IGF1R: variants seen among roughly 807,000 people sequenced by gnomAD.
IGF1R encodes insulin-like growth factor 1 receptor.
IGF1R carries 44 observed loss-of-function variants against 144.6 expected under a neutral mutation model. That is an observed-to-expected ratio of 0.30 (90% CI 0.24 to 0.39). IGF1R has a LOEUF of 0.39. IGF1R is among the 10% of genes least tolerant of loss of function. IGF1R has a pLI of 1.00. For synonymous variants in IGF1R, 795 were observed against 722.8 expected, an observed-to-expected ratio of 1.10 and a Z score of -1.60; for missense variants, 1,355 against 1,833.7, an observed-to-expected ratio of 0.74 and a Z score of 4.77.
rs760544138 is a variant in IGF1R at position 98,750,029 on chromosome 15, G to A, written c.640+41922G>A. 3.3e-5 allele frequency among the ~76,000 whole-genome samples: 5 copies of A among 152,004 alleles called. No individual in the cohort carries two copies. The South Asian group carries it at 6.2e-4, about 19-fold the overall frequency. On this transcript the variant is annotated intron_variant, in intron 2 of 20. Transcript: ENST00000650285. ...CTTCTTCCTTTTCCTTACCTCTAAG[G>A]GATATGAAGCTGTGAGAGGGAATTG...
intron 5 of IGF1R, among the ~76,000 whole-genome samples, chr15:98,906,184 A>G (rs2014722157): frequency 6.6e-6 from 1 of 152,226 alleles, no homozygotes; most frequent in African/African-American, 2.4e-5. Context: ...CCTGGTTTAT[A>G]ATTCATGCTT....
At position 98,891,331 on chromosome 15, in the gene IGF1R, C is replaced by T; in HGVS notation, c.647C>T (p.Pro216Leu). The T allele has an allele frequency of 6.2e-7, 1 of 1,606,034 alleles. No homozygotes were observed. Among genetic ancestry groups the T allele is most frequent in the Non-Finnish European group, 8.5e-7 (1 of 1,179,916 alleles). ...CTCTCCTCTCTCTCCACAGTGTGCC[C>T]AAGCACGTGTGGGAAGCGGGCGTGC... is the stretch of plus-strand genomic sequence containing the variant. ...WTTNRCQKMCPSTCGKRACTE... is the reference protein window; with the variant it reads ...WTTNRCQKMCLSTCGKRACTE... Residue 216 changes from proline (P) to leucine (L), a missense_variant, in exon 3 of 21, where the codon CCA (proline) becomes CTA (leucine). By Grantham distance (98) the Pro-to-Leu change is moderately conservative. Coordinates refer to ENST00000650285, the MANE Select transcript of IGF1R (RefSeq NM_000875.5). This position sits in a 1 kb window ranked among gnomAD's most constrained non-coding sequence, Gnocchi z 4.7.
Position 98,959,970 on chromosome 15 carries a change from GGT to G in IGF1R, c.*2541_*2542del, listed in dbSNP as rs398058004. The stretch of plus-strand genomic sequence containing the variant: ...TTATGAATTTAAATTTCAAGGAAAG[GGT>G]GTGTGTGTGTGTATGTGTGGGGTGT... On this transcript the variant is annotated 3_prime_UTR_variant, in exon 21 of 21. Transcript: ENST00000650285. The G allele has an allele frequency of 0.82, 190,936 of 231,970 alleles. 80,802 individuals are homozygous for G. Among genetic ancestry groups the G allele is most frequent in the East Asian group, 0.94 (15,465 of 16,468 alleles). The allele number at this position is 231,970 out of a possible 1,614,324, so 14.4% of individuals were successfully genotyped here.
intron 10 of IGF1R, 95 bp from the exon 11 acceptor site, chr15:98,922,053 C>T: frequency 2.2e-6 from 3 of 1,391,786 alleles, no homozygotes; most frequent in South Asian, 1.2e-5. Flanking sequence ...TCCTTCTATT[C>T]CACGGTTAAG....
intron 2 of IGF1R, among the ~76,000 whole-genome samples, chr15:98,874,843 G>A (rs2012972580): frequency 6.6e-6 from 1 of 152,166 alleles, no homozygotes; most frequent in African/African-American, 2.4e-5. Context: ...CCCTTCCCAG[G>A]TCCTCTGGGT....
At position 98,896,906 on chromosome 15, in the gene IGF1R, G is replaced by T; in HGVS notation, c.1102+1G>T. 6.2e-7 allele frequency: 1 copy of T among 1,613,850 alleles called. No homozygotes were observed. Among genetic ancestry groups the T allele is most frequent in the Non-Finnish European group, 8.5e-7 (1 of 1,179,824 alleles). On this transcript the variant is annotated splice_donor_variant, in intron 4 of 20. Coordinates refer to ENST00000650285, the MANE Select transcript of IGF1R (RefSeq NM_000875.5). LOFTEE classifies it high-confidence loss of function. The stretch of plus-strand genomic sequence containing the variant: ...TTGCTCATTAACATCCGACGGGGGA[G>T]TAAGTATTCCATCCCCCTGGAAAAA...
intron 2 of IGF1R, among the ~76,000 whole-genome samples, chr15:98,743,830 G>A (rs188896462): frequency 6.6e-6 from 1 of 152,310 alleles, no homozygotes; most frequent in East Asian, 1.9e-4. Flanking sequence ...TTGGACTAGT[G>A]GTGGAGATAA....
intron 2 of IGF1R, among the ~76,000 whole-genome samples, chr15:98,765,096 TAGC>T (rs962885800): frequency 6.6e-6 from 1 of 152,160 alleles, no homozygotes; most frequent in Non-Finnish European, 1.5e-5. Context: ...TTCTTTCACT[TAGC>T]ATAATATTTT....
intron 1 of IGF1R, among the ~76,000 whole-genome samples, chr15:98,665,701 C>A (rs1047062339): frequency 2.0e-5 from 3 of 152,258 alleles, no homozygotes; most frequent in Non-Finnish European, 4.4e-5. Flanking sequence ...GCGTGGATGG[C>A]TGCTTGCAAG....
intron 18 of IGF1R, among the ~76,000 whole-genome samples, chr15:98,941,211 T>C (rs570391402): frequency 2.0e-5 from 3 of 152,306 alleles, no homozygotes; most frequent in Admixed American, 6.5e-5. Context: ...CATGGGGTTA[T>C]GAGAAGGACT....
intron 3 of IGF1R, among the ~76,000 whole-genome samples, chr15:98,893,902 A>C (rs1008078757): frequency 3.9e-5 from 6 of 152,184 alleles, no homozygotes; most frequent in African/African-American, 7.2e-5. Context: ...CTTATTTAAC[A>C]ATTACTTTGA....
intron 2 of IGF1R, among the ~76,000 whole-genome samples, chr15:98,836,223 T>C (rs925301898): frequency 6.6e-6 from 1 of 152,026 alleles, no homozygotes; most frequent in Non-Finnish European, 1.5e-5. Context: ...TTGAAATAAT[T>C]TTAGACTTAC....
intron 1 of IGF1R, chr15:98,651,046 C>T (rs1423403130): frequency 1.0e-6 from 1 of 985,326 alleles, no homozygotes; most frequent in Non-Finnish European, 1.2e-6. Flanking sequence ...GTTTAAATGT[C>T]GCAGAACTGG....
At position 98,648,907 on chromosome 15, in the gene IGF1R, G is replaced by C. The variant is rs952529527; in HGVS notation, c.-675G>C. On this transcript the variant is annotated 5_prime_UTR_variant, in exon 1 of 21. Coordinates refer to ENST00000650285, the MANE Select transcript of IGF1R (RefSeq NM_000875.5). ...GGGGCGGGCGGCGGCGCAGAGCCGG[G>C]CGGCGCGGCGGGAGTGCTGAGCGCG... 1.3e-5 allele frequency: 2 copies of C among 157,670 alleles called. No homozygotes were observed. Among genetic ancestry groups the C allele is most frequent in the Non-Finnish European group, 2.8e-5 (2 of 71,960 alleles). The allele number at this position is 157,670 out of a possible 1,614,324, so 9.8% of individuals were successfully genotyped here. A position where few individuals can be genotyped will look rare whatever the true frequency, so the allele number is the denominator to read the frequency against.
intron 2 of IGF1R, among the ~76,000 whole-genome samples, chr15:98,858,729 A>T (rs2011975064): frequency 6.6e-6 from 1 of 152,226 alleles, no homozygotes; most frequent in African/African-American, 2.4e-5. Context: ...CCAGCACAGC[A>T]CTCCGTGGCC....
chr15:98,827,112 A>G (rs1236501255), intron 2 of IGF1R, among the ~76,000 whole-genome samples: 2 of 143,012 alleles, frequency 1.4e-5, no homozygotes, highest in Admixed American at 7.4e-5. Context: ...TTGGCTTAAA[A>G]TTGTGTCTAA....
intron 2 of IGF1R, among the ~76,000 whole-genome samples, chr15:98,882,282 T>C (rs2013423951): frequency 6.6e-6 from 1 of 152,198 alleles, no homozygotes; most frequent in Admixed American, 6.5e-5. Flanking sequence ...GACACCTGCA[T>C]GAGGGCTGGG....
chr15:98,928,766 G>A (rs1266789297), intron 13 of IGF1R, among the ~76,000 whole-genome samples: 1 of 152,092 alleles, frequency 6.6e-6, no homozygotes, highest in Non-Finnish European at 1.5e-5. Context: ...ATGTTCCAGG[G>A]TATGGGTCCA....
chr15:98,720,819 ATTTAAATTCATTT>A (rs1026565103), intron 2 of IGF1R, among the ~76,000 whole-genome samples: 1 of 152,110 alleles, frequency 6.6e-6, no homozygotes, highest in African/African-American at 2.4e-5. Context: ...TGTGGAATGA[ATTTAAATTCATTT>A]AAGTCATTCT....
Sources: allele counts gnomAD v4.1 joint callset (sites outside exome capture counted in the v4.1 genomes callset), GRCh38; gene constraint gnomAD v4.1.1; non-coding constraint Gnocchi (gnomAD v3.1); transcripts MANE v1.5; gene names NCBI Gene and HGNC (gene_info 2026-07-23, HGNC 2026-07-21).